RANBP2: variants seen among roughly 807,000 people sequenced by gnomAD.
RANBP2 encodes the protein RAN binding protein 2.
A neutral mutation model predicts 303.6 loss-of-function variants in RANBP2; 57 were observed. The ratio of observed to expected loss-of-function variants is 0.19; its 90% confidence interval spans 0.15 to 0.23. RANBP2 has a LOEUF of 0.23. Among genes scored for constraint, RANBP2 ranks in the 10% least tolerant of loss-of-function variants. RANBP2 has a pLI of 1.00. For missense variants in RANBP2, 3,138 were observed against 3,780.8 expected (o/e 0.83, Z 4.46); for synonymous variants, 1,167 against 1,301.5 (o/e 0.90, Z 2.23).
At chr2:109,311,763 C>T in the RANBP2 span, among the ~76,000 whole-genome samples, 11 of 144,818 alleles carry the variant, frequency 7.6e-5, no homozygotes, top group Non-Finnish European at 1.2e-4. Context: ...TAATTTCAAG[C>T]GATGAGCAAG....
the RANBP2 span, among the ~76,000 whole-genome samples, chr2:109,309,931 A>G: frequency 1.6e-5 from 2 of 123,312 alleles, 1 homozygote; most frequent in African/African-American, 8.3e-5. Flanking sequence ...AGACAGATCA[A>G]CGAGACAGAA....
At chr2:109,142,901 C>T in the RANBP2 span, among the ~76,000 whole-genome samples, 15 of 152,216 alleles carry the variant, frequency 9.9e-5, no homozygotes, top group African/African-American at 3.4e-4. Flanking sequence ...TCAAGGATGT[C>T]GGCTTTCAAG....
At chr2:108,861,878 T>TTTTG in the RANBP2 span, among the ~76,000 whole-genome samples, 1 of 152,130 alleles carries the variant, frequency 6.6e-6, no homozygotes, top group African/African-American at 2.4e-5. Flanking sequence ...ATCCTACAGG[T>TTTTG]TTTGGTATGT....
chr2:109,287,922 A>G, the RANBP2 span, among the ~76,000 whole-genome samples: 2 of 152,212 alleles, frequency 1.3e-5, no homozygotes, highest in African/African-American at 2.4e-5. Context: ...ACCTCTCTAC[A>G]TCCAGGACCT....
the RANBP2 span, chr2:108,930,133 T>C: frequency 1.1e-5 from 18 of 1,613,718 alleles, no homozygotes; most frequent in East Asian, 2.2e-5. Context: ...GTAGGGCTCC[T>C]CTCCCGGCCC....
chr2:109,703,552 CTGA>C, the RANBP2 span, among the ~76,000 whole-genome samples: 1 of 152,202 alleles, frequency 6.6e-6, no homozygotes, highest in Admixed American at 6.5e-5. Flanking sequence ...CCTCATCCTT[CTGA>C]GTAGCTGGGA....
At chr2:109,588,218 A>T in the RANBP2 span, among the ~76,000 whole-genome samples, 1 of 152,328 alleles carries the variant, frequency 6.6e-6, no homozygotes, top group African/African-American at 2.4e-5. Context: ...ATCCACTGCC[A>T]GTTGGCCCAC....
the RANBP2 span, among the ~76,000 whole-genome samples, chr2:108,995,146 A>G: frequency 2.0e-5 from 3 of 151,854 alleles, no homozygotes; most frequent in African/African-American, 7.3e-5. Flanking sequence ...GGTTTTATTT[A>G]TTAGTATTTA....
At chr2:108,999,148 A>G in the RANBP2 span, among the ~76,000 whole-genome samples, 2 of 152,234 alleles carry the variant, frequency 1.3e-5, no homozygotes, top group Admixed American at 6.5e-5. Flanking sequence ...GACAAGCTGC[A>G]TTCTCCTGGC....
At chr2:109,678,762 C>T in the RANBP2 span, among the ~76,000 whole-genome samples, 7 of 152,038 alleles carry the variant, frequency 4.6e-5, no homozygotes, top group Non-Finnish European at 8.8e-5. Context: ...GGTTCGCAGG[C>T]GGTGGGGTGT....
chr2:109,682,115 C>T, the RANBP2 span, among the ~76,000 whole-genome samples: 1 of 152,106 alleles, frequency 6.6e-6, no homozygotes, highest in African/African-American at 2.4e-5. Context: ...AAAGAATAAA[C>T]ACATTACTGT....
At chr2:109,259,174 G>A in the RANBP2 span, among the ~76,000 whole-genome samples, 2 of 152,336 alleles carry the variant, frequency 1.3e-5, no homozygotes, top group East Asian at 1.9e-4. Context: ...TACAAAAGCC[G>A]GGTTGAGGAA....
At chr2:109,702,669 G>A in the RANBP2 span, among the ~76,000 whole-genome samples, 1 of 152,130 alleles carries the variant, frequency 6.6e-6, no homozygotes, top group Non-Finnish European at 1.5e-5. Context: ...TTAGCTTTCT[G>A]TACTTCCTGT....
chr2:108,813,033 A>G, the RANBP2 span: 9 of 811,526 alleles, frequency 1.1e-5, no homozygotes, highest in East Asian at 2.2e-4. Context: ...GCGGATCACG[A>G]TGTCAGGAGA....
chr2:109,036,976 TCTAA>T, the RANBP2 span, among the ~76,000 whole-genome samples: 3 of 152,046 alleles, frequency 2.0e-5, no homozygotes, highest in Non-Finnish European at 4.4e-5. Flanking sequence ...AGACCTCGTC[TCTAA>T]CAAACAATAC....
the RANBP2 span, among the ~76,000 whole-genome samples, chr2:109,307,046 G>A: frequency 2.0e-5 from 3 of 152,202 alleles, no homozygotes; most frequent in Non-Finnish European, 4.4e-5. Context: ...ATTTATAAAT[G>A]TGAGGCTTTT....
chr2:108,927,495 C>T, the RANBP2 span, among the ~76,000 whole-genome samples: 1 of 152,218 alleles, frequency 6.6e-6, no homozygotes, highest in South Asian at 2.1e-4. Context: ...ACGTGGTCTT[C>T]AGGCCATAGA....
At chr2:108,859,733 T>A in the RANBP2 span, among the ~76,000 whole-genome samples, 4 of 152,184 alleles carry the variant, frequency 2.6e-5, no homozygotes, top group Non-Finnish European at 5.9e-5. Context: ...TCAGATAACA[T>A]GATGCTTCCA....
At chr2:108,809,910 A>G in the RANBP2 span, among the ~76,000 whole-genome samples, 68 of 152,226 alleles carry the variant, frequency 4.5e-4, no homozygotes, top group African/African-American at 1.5e-3. Context: ...GGTTCACACA[A>G]TTCTCCTGCC....
Sources: gnomAD v4.1 joint callset for allele counts (sites outside exome capture counted in the v4.1 genomes callset) on GRCh38, gnomAD v4.1.1 for gene constraint, MANE v1.5 for transcripts, NCBI Gene and HGNC (gene_info 2026-07-23, HGNC 2026-07-21) for gene names.